Variants in GPRIN3 observed in about 807,000 individuals in gnomAD.
GPRIN3 encodes the protein GPRIN family member 3.
A neutral mutation model predicts 13.7 loss-of-function variants in GPRIN3; 12 were observed. The observed-to-expected ratio is 0.87, with a 90% CI of 0.56 to 1.42. The LOEUF (loss-of-function observed/expected upper bound fraction) is 1.42, where lower values mean the gene tolerates loss of function less well. Ranked by LOEUF, GPRIN3 falls within the 40% of genes most tolerant of loss-of-function variation. The pLI is 0.00. For missense variants in GPRIN3, 1,009 were observed against 958.7 expected, an observed-to-expected ratio of 1.05 and a Z score of -0.69; for synonymous variants, 377 against 372.7, an observed-to-expected ratio of 1.01 and a Z score of -0.13.
In GPRIN3 at chr4:89,264,284, C is replaced by A. The variant is rs983134117; in HGVS notation, c.-123-14051G>T. Among the ~76,000 whole-genome samples, 7 of 152,146 alleles carry A rather than the reference C, an allele frequency of 4.6e-5. No individual in the cohort carries two copies. In the South Asian group the frequency reaches 1.2e-3, roughly 27 times the overall value. ...CCTGGCACCTACTGCCCCTCTCTTG[C>A]TTCCTCTCTCCCAGTTTGATCTCTG... On this transcript the variant is annotated intron_variant, in intron 1 of 1. Transcript: ENST00000609438.
chr4:89,307,635 G>C lies in GPRIN3; in HGVS notation c.-144C>G, dbSNP rs1277648096. The C allele has an allele frequency of 2.0e-5, 3 of 152,208 alleles. No homozygotes were observed. The highest frequency in any genetic ancestry group is 7.2e-5 in the African/African-American group (3 of 41,420). 9.4% of individuals were successfully genotyped at this position (152,208 alleles called of 1,614,324 possible). ...CCTACCTGCTCTGCCCGGCTCCGCG[G>C]CGCGGCGGGGCCACTGCCTGCGCTG... On this transcript the variant is annotated 5_prime_UTR_variant, in exon 1 of 2. Coordinates refer to ENST00000609438, the MANE Select transcript of GPRIN3 (RefSeq NM_198281.3).
intron 1 of GPRIN3, among the ~76,000 whole-genome samples, chr4:89,271,407 C>T (rs1489508093): frequency 6.6e-6 from 1 of 151,916 alleles, no homozygotes. Flanking sequence ...ACCCCCACTT[C>T]AGACACCAAA....
rs377553063 is a variant in GPRIN3, at chr4:89,248,358, T to C, written c.1753A>G (p.Ile585Val). ...ESAANPTPSP[I>V]RKNQESTLEE... ...AAGGTGCTCTCCTGGTTCTTCCTAATTGGGGAGGGTGTAGGATTAGCAGCT... is the reference window on the plus strand; with the variant it reads ...AAGGTGCTCTCCTGGTTCTTCCTAACTGGGGAGGGTGTAGGATTAGCAGCT... Residue 585 changes from isoleucine to valine, a missense_variant, in exon 2 of 2, where the codon ATT becomes GTT. By Grantham distance (29) the Ile-to-Val change is conservative (BLOSUM62 3). Coordinates refer to ENST00000609438, the MANE Select transcript of GPRIN3 (RefSeq NM_198281.3). 2.5e-5 allele frequency: 40 copies of C among 1,614,028 alleles called. No homozygotes were observed. Among genetic ancestry groups the C allele is most frequent in the Non-Finnish European group, 3.1e-5 (36 of 1,180,024 alleles).
At chr4:89,270,690 C>T (rs1723925744) in intron 1 of GPRIN3, among the ~76,000 whole-genome samples, 1 of 149,698 alleles carries the variant, frequency 6.7e-6, no homozygotes, top group Admixed American at 6.7e-5. Context: ...AGGGGCACAC[C>T]ACTGCACCTG....
intron 1 of GPRIN3, among the ~76,000 whole-genome samples, chr4:89,278,444 T>A (rs1167843038): frequency 2.0e-5 from 3 of 152,192 alleles, no homozygotes; most frequent in Non-Finnish European, 4.4e-5. Flanking sequence ...TCAAAAATAA[T>A]CAGTTTCTAT....
chr4:89,307,358 C>G (rs1725062677), intron 1 of GPRIN3, among the ~76,000 whole-genome samples: 1 of 152,016 alleles, frequency 6.6e-6, no homozygotes, highest in Non-Finnish European at 1.5e-5. Context: ...TCCCTGCCCA[C>G]GATCAGCAGG....
In GPRIN3 at chr4:89,283,233, A is replaced by C. The variant is rs140164664; in HGVS notation, c.-124+24382T>G. Among the ~76,000 whole-genome samples, 41 of 152,292 alleles carry C rather than the reference A, an allele frequency of 2.7e-4. No homozygotes were observed. The East Asian group carries it at 5.0e-3, about 19-fold the overall frequency. On this transcript the variant is annotated intron_variant, in intron 1 of 1. Transcript: ENST00000609438. ...AAACATTACTTTTTAGGCTATCCCAAATTGTTTAACATACACAATGTGCCA... is the reference window on the plus strand; with the variant it reads ...AAACATTACTTTTTAGGCTATCCCACATTGTTTAACATACACAATGTGCCA...
Position 89,238,365 on chromosome 4 carries a change from C to T in GPRIN3, c.*9415G>A, listed in dbSNP as rs1193238198. 1 of 152,194 alleles carries T rather than the reference C, an allele frequency of 6.6e-6. No individual in the cohort carries two copies. The highest frequency in any genetic ancestry group is 2.4e-5 in the African/African-American group (1 of 41,416). 9.4% of individuals were successfully genotyped at this position (152,194 alleles called of 1,614,324 possible). On this transcript the variant is annotated 3_prime_UTR_variant, in exon 2 of 2. Transcript: ENST00000609438. ...AAACTGGGGATATGGCTGGGCTTTC[C>T]ATCTCCTTCTAGGAATCCAGACTGC...
chr4:89,303,335 A>G (rs930809965), intron 1 of GPRIN3, among the ~76,000 whole-genome samples: 5 of 152,176 alleles, frequency 3.3e-5, no homozygotes, highest in Admixed American at 2.0e-4. Context: ...CAACGACTGT[A>G]GTTGCATTCT....
intron 1 of GPRIN3, among the ~76,000 whole-genome samples, chr4:89,260,699 A>T (rs1723599416): frequency 6.6e-6 from 1 of 152,240 alleles, no homozygotes; most frequent in South Asian, 2.1e-4. Flanking sequence ...TTTCCTGTAT[A>T]GCTATTCTAT....
Position 89,243,748 on chromosome 4 carries a change from G to A in GPRIN3, c.*4032C>T, listed in dbSNP as rs527973056. The A allele has an allele frequency of 1.3e-5, 2 of 152,278 alleles. No individual in the cohort carries two copies. The highest frequency in any genetic ancestry group is 3.9e-4 in the East Asian group (2 of 5,182). 9.4% of individuals were successfully genotyped at this position (152,278 alleles called of 1,614,324 possible). ...ATAATTAGTAAATCAGGCAGGTAGA[G>A]GTCTACACAAGGCTACAAGTGCCCA... On this transcript the variant is annotated 3_prime_UTR_variant, in exon 2 of 2. Coordinates refer to ENST00000609438, the MANE Select transcript of GPRIN3 (RefSeq NM_198281.3).
At chr4:89,278,871 G>A (rs912944589) in intron 1 of GPRIN3, among the ~76,000 whole-genome samples, 1 of 152,184 alleles carries the variant, frequency 6.6e-6, no homozygotes, top group African/African-American at 2.4e-5. Flanking sequence ...AGAATTGAGG[G>A]GAAACCTATG....
chr4:89,302,661 T>C (rs1167683687), intron 1 of GPRIN3, among the ~76,000 whole-genome samples: 2 of 152,206 alleles, frequency 1.3e-5, no homozygotes, highest in Non-Finnish European at 2.9e-5. Flanking sequence ...CTTTTCTCAC[T>C]GGCATTCAAG....
At chr4:89,306,387 C>T (rs1317819236) in intron 1 of GPRIN3, among the ~76,000 whole-genome samples, 3 of 152,140 alleles carry the variant, frequency 2.0e-5, no homozygotes, top group African/African-American at 7.2e-5. Context: ...AACAAAAGCC[C>T]ACGCAGGAGA....
rs558861152 is a variant in GPRIN3, at chr4:89,238,612, A to G, written c.*9168T>C. The stretch of plus-strand genomic sequence containing the variant: ...ACACACACAACGCACAAACACACAC[A>G]CACTCTGCTCTACCAAGTACAGGAA... On this transcript the variant is annotated 3_prime_UTR_variant, in exon 2 of 2. Transcript: ENST00000609438. 16 of 151,092 alleles carry G rather than the reference A, an allele frequency of 1.1e-4. No individual in the cohort carries two copies. Among genetic ancestry groups the G allele is most frequent in the Admixed American group, 9.3e-4 (14 of 15,094 alleles). 9.4% of individuals were successfully genotyped at this position (151,092 alleles called of 1,614,324 possible). A position where few individuals can be genotyped will look rare whatever the true frequency, so the allele number is the denominator to read the frequency against.
rs147735218 is a variant in GPRIN3, at chr4:89,247,829, C to T, written c.2282G>A (p.Arg761Gln). 78 of 1,613,976 alleles carry T rather than the reference C, an allele frequency of 4.8e-5. No individual in the cohort carries two copies. The highest frequency in any genetic ancestry group is 2.6e-4 in the South Asian group (24 of 91,072). Residue 761 changes from arginine to glutamine, a missense_variant, in exon 2 of 2, where the codon CGA becomes CAA. Arg to Gln is a conservative substitution (Grantham distance 43). Coordinates refer to ENST00000609438, the MANE Select transcript of GPRIN3 (RefSeq NM_198281.3). ...AGGACGGACGCAGCAGTTGGGGCGT[C>T]GGAAGTTCTGCAGCATGGACTGGAA... ...SVFQSMLQNF[R>Q]RPNCCVRPAP... is the part of the protein sequence containing the mutation.
At chr4:89,307,025 G>C (rs1725050608) in intron 1 of GPRIN3, among the ~76,000 whole-genome samples, 1 of 151,950 alleles carries the variant, frequency 6.6e-6, no homozygotes, top group Non-Finnish European at 1.5e-5. Flanking sequence ...ATCACCTCTA[G>C]TCTCTACCCT....
rs771574056 is a variant in GPRIN3, at chr4:89,236,540, C to T, written c.*11240G>A. ...AATATTTTGCCTATGCCATTTAATT[C>T]CCACAAATTTGCAAAGTGAGCATTG... On this transcript the variant is annotated 3_prime_UTR_variant, in exon 2 of 2. Transcript: ENST00000609438. 1 of 151,988 alleles carries T rather than the reference C, an allele frequency of 6.6e-6. No homozygotes were observed. Among genetic ancestry groups the T allele is most frequent in the Non-Finnish European group, 1.5e-5 (1 of 68,002 alleles). The allele number at this position is 151,988 out of a possible 1,614,324, so 9.4% of individuals were successfully genotyped here.
chr4:89,238,311 G>C lies in GPRIN3; in HGVS notation c.*9469C>G, dbSNP rs1216993294. The C allele has an allele frequency of 1.3e-5, 2 of 152,180 alleles. No homozygotes were observed. Among genetic ancestry groups the C allele is most frequent in the African/African-American group, 4.8e-5 (2 of 41,440 alleles). The allele number at this position is 152,180 out of a possible 1,614,324, so 9.4% of individuals were successfully genotyped here. A position where few individuals can be genotyped will look rare whatever the true frequency, so the allele number is the denominator to read the frequency against. ...CAAGGAGGTAAAAAGGGATCAAACT[G>C]TAGTGCTAGTTTTACTACTGGTCAA... On this transcript the variant is annotated 3_prime_UTR_variant, in exon 2 of 2. Coordinates refer to ENST00000609438, the MANE Select transcript of GPRIN3 (RefSeq NM_198281.3).
Sources: allele counts gnomAD v4.1 joint callset (sites outside exome capture counted in the v4.1 genomes callset), GRCh38; gene constraint gnomAD v4.1.1; transcripts MANE v1.5; gene names NCBI Gene and HGNC (gene_info 2026-07-23, HGNC 2026-07-21).